Variants in PIWIL3 observed in about 807,000 individuals in gnomAD.
PIWIL3 encodes the protein piwi like RNA-mediated gene silencing 3, also known as piwi-like protein 3.
PIWIL3 carries 101 observed loss-of-function variants against 109.7 expected under a neutral mutation model. The ratio of observed to expected loss-of-function variants is 0.92; its 90% CI spans 0.78 to 1.09. The LOEUF is 1.09. Among genes scored for constraint, PIWIL3 ranks in the 50% least tolerant of loss-of-function variants. PIWIL3 has a pLI of 0.00. For missense variants in PIWIL3, 1,031 were observed against 1,072.6 expected, an observed-to-expected ratio of 0.96 and a Z score of 0.54; for synonymous variants, 373 against 376.4, an observed-to-expected ratio of 0.99 and a Z score of 0.10.
At position 24,757,928 on chromosome 22, in the gene PIWIL3, T is replaced by C. The variant is rs1233158101; in HGVS notation, c.335A>G (p.His112Arg). Residue 112 changes from histidine to arginine, a missense_variant, in exon 4 of 21, where the codon CAT (histidine) becomes CGT (arginine). Transcript: ENST00000616349. ...LVVNTRQDMK[H>R]VKDSKTGSEG... is the part of the protein sequence containing the mutation. ...CATACCTGTTTTTGAGTCTTTAACA[T>C]GCTTCATATCTTGCCTGGTGTTCAC... The C allele has an allele frequency of 6.2e-7, 1 of 1,611,360 alleles. No individual in the cohort carries two copies. Among genetic ancestry groups the C allele is most frequent in the African/African-American group, 1.3e-5 (1 of 74,578 alleles).
At chr22:24,740,212 C>T in intron 12 of PIWIL3, among the ~76,000 whole-genome samples, 1 of 30,866 alleles carries the variant, frequency 3.2e-5, no homozygotes, top group South Asian at 1.3e-3. Context: ...CGGAGGGAGA[C>T]TGTCTCAAAA....
At chr22:24,772,413 A>G (rs1926181606) in intron 1 of PIWIL3, among the ~76,000 whole-genome samples, 1 of 152,182 alleles carries the variant, frequency 6.6e-6, no homozygotes, top group African/African-American at 2.4e-5. Context: ...TAGCCTGTCC[A>G]GGTATGTGCT....
Position 24,762,239 on chromosome 22 carries a change from C to A in PIWIL3, c.102+159G>T, listed in dbSNP as rs1017112233. 94 of 1,268,482 alleles carry A rather than the reference C, an allele frequency of 7.4e-5. No individual in the cohort carries two copies. In the East Asian group the frequency reaches 2.7e-3, roughly 37 times the overall value. The allele number at this position is 1,268,482 out of a possible 1,614,324, so 78.6% of individuals were successfully genotyped here. A position where few individuals can be genotyped will look rare whatever the true frequency, so the allele number is the denominator to read the frequency against. On this transcript the variant is annotated intron_variant, in intron 2 of 20. Coordinates refer to ENST00000616349, the MANE Select transcript of PIWIL3 (RefSeq NM_001255975.1). ...AGTACATCTGAGTAGATAAAGCCTC[C>A]CCATGCTGCCATCTATACAGCCTGA...
At position 24,749,510 on chromosome 22, in the gene PIWIL3, C is replaced by T; in HGVS notation, c.1228G>A (p.Glu410Lys). The T allele has an allele frequency of 4.3e-6, 7 of 1,613,220 alleles. No homozygotes were observed. The highest frequency in any genetic ancestry group is 5.9e-6 in the Non-Finnish European group (7 of 1,179,942). ...QLCHMTGLTD[E>K]ICKDYSIVKE... ...ACAATGCTATAATCTTTACATATTT[C>T]ATCTGTTAGACCTTTAAAAAAATCC... Residue 410 changes from glutamate (E) to lysine (K), a missense_variant, in exon 11 of 21, where the codon GAA becomes AAA. Glu to Lys is a moderately conservative substitution (Grantham distance 56). Transcript: ENST00000616349.
rs753089052 is a variant in PIWIL3 at position 24,755,785 on chromosome 22, T to G, written c.691A>C (p.Arg231=). The change falls in exon 6 of 21, where the codon AGA becomes CGA. Residue 231 remains arginine (R), a splice_region_variant and synonymous_variant. Transcript: ENST00000616349. ...AGAAACTCAACCCCGGTAACATACC[T>G]TCTAAAGAGAATGTTGTAATAGCGT... ...CLRYYNILFR[R]TFKLLDFEQV... 19 of 1,614,030 alleles carry G rather than the reference T, an allele frequency of 1.2e-5. No homozygotes were observed. Among genetic ancestry groups the G allele is most frequent in the Non-Finnish European group, 1.6e-5 (19 of 1,179,932 alleles).
At chr22:24,764,465 C>T (rs572088723) in intron 1 of PIWIL3, among the ~76,000 whole-genome samples, 8 of 152,174 alleles carry the variant, frequency 5.3e-5, no homozygotes, top group Non-Finnish European at 1.0e-4. Flanking sequence ...CCTAGAAGCA[C>T]CCTTACTCAT....
intron 11 of PIWIL3, among the ~76,000 whole-genome samples, 173 bp downstream of exon 11, chr22:24,749,231 C>T (rs1924557277): frequency 6.6e-6 from 1 of 152,056 alleles, no homozygotes; most frequent in South Asian, 2.1e-4. Context: ...TTCTTCCCCC[C>T]CGGCCTCCTA....
In PIWIL3 at chr22:24,719,775, A is replaced by G; in HGVS notation, c.2478T>C (p.Cys826=). ...GCAAATTATAATACATGTGGCATAG[A>G]CAATATGTTAAACGCTGTACTGTAT... The part of the protein sequence containing the change: ...SPDTVQRLTY[C]LCHMYYNLPG... The change falls in exon 20 of 21, where the codon TGT becomes TGC. Residue 826 remains cysteine, a synonymous_variant. Coordinates refer to ENST00000616349, the MANE Select transcript of PIWIL3 (RefSeq NM_001255975.1). The G allele has an allele frequency of 1.9e-6, 3 of 1,613,046 alleles. No homozygotes were observed. The highest frequency in any genetic ancestry group is 2.5e-6 in the Non-Finnish European group (3 of 1,179,134).
chr22:24,756,607 C>G lies in PIWIL3; in HGVS notation c.454G>C (p.Asp152His). The G allele has an allele frequency of 6.2e-7, 1 of 1,613,940 alleles. No individual in the cohort carries two copies. The highest frequency in any genetic ancestry group is 8.5e-7 in the Non-Finnish European group (1 of 1,179,894). ...GTACGGAGATTTCCATCTTCTATGTCTGGTTTGTAGTCAACGTTGTATTTA... is the reference window on the plus strand; with the variant it reads ...GTACGGAGATTTCCATCTTCTATGTGTGGTTTGTAGTCAACGTTGTATTTA... ...AYKYNVDYKP[D>H]IEDGNLRTIL... The change falls in exon 5 of 21, where the codon GAC becomes CAC. Residue 152 changes from aspartate (D) to histidine (H), a missense_variant. Physicochemically the swap from Asp to His is moderately conservative, Grantham distance 81. Transcript: ENST00000616349.
chr22:24,756,516 A>T lies in PIWIL3; in HGVS notation c.545T>A (p.Leu182Ter), dbSNP rs367552066. The T allele has an allele frequency of 3.1e-5, 50 of 1,613,844 alleles. No individual in the cohort carries two copies. Among genetic ancestry groups the T allele is most frequent in the Non-Finnish European group, 3.5e-5 (41 of 1,179,910 alleles). Residue 182 changes from leucine to a stop codon, truncating the protein, a stop_gained, in exon 5 of 21, where the codon TTA (leucine) becomes TAA (stop). Coordinates refer to ENST00000616349, the MANE Select transcript of PIWIL3 (RefSeq NM_001255975.1). LOFTEE classifies it high-confidence loss of function. ...CCGCTCTTTTAGTGGCCGAGATAAT[A>T]ATAAAGAGTTTCCATCAAATATATG... is the stretch of plus-strand genomic sequence containing the variant. ...ERHIFDGNSL[L>*]LSRPLKERRV...
intron 12 of PIWIL3, among the ~76,000 whole-genome samples, chr22:24,740,052 A>C (rs1269693700): frequency 1.9e-5 from 2 of 103,792 alleles, no homozygotes; most frequent in African/African-American, 3.5e-5. Context: ...ACTCGGTCTC[A>C]AAAAAAAAAA....
At chr22:24,757,776 G>A (rs8139298) in intron 4 of PIWIL3, 132 bp downstream of exon 4, 71,368 of 1,104,000 alleles carry the variant, frequency 0.065, 2,792 homozygotes, top group South Asian at 0.11. Context: ...GAGCCCAGGA[G>A]TTTGAGGCTA....
intron 14 of PIWIL3, among the ~76,000 whole-genome samples, chr22:24,732,355 T>G (rs1415978133): frequency 1.3e-5 from 2 of 152,208 alleles, no homozygotes; most frequent in Non-Finnish European, 2.9e-5. Flanking sequence ...TACATAAGAT[T>G]GTGGACACGC....
intron 14 of PIWIL3, among the ~76,000 whole-genome samples, chr22:24,730,062 A>G (rs868008437): frequency 6.6e-6 from 1 of 151,954 alleles, no homozygotes; most frequent in Non-Finnish European, 1.5e-5. Flanking sequence ...AATTATGTGT[A>G]CAGATTAGAA....
intron 12 of PIWIL3, among the ~76,000 whole-genome samples, chr22:24,740,145 G>A (rs5760617): frequency 0.44 from 64,810 of 146,812 alleles, 14,691 homozygotes; most frequent in East Asian, 0.67. Context: ...TTGAACCCAG[G>A]AGGTGGAGTT....
chr22:24,758,534 G>A (rs919504947), intron 3 of PIWIL3, among the ~76,000 whole-genome samples: 1 of 152,194 alleles, frequency 6.6e-6, no homozygotes, highest in Non-Finnish European at 1.5e-5. Context: ...ATTCTACAAA[G>A]TTAACATTTA....
At chr22:24,736,573 G>A (rs555486218) in intron 12 of PIWIL3, among the ~76,000 whole-genome samples, 5 of 152,240 alleles carry the variant, frequency 3.3e-5, no homozygotes, top group African/African-American at 1.2e-4. Context: ...CCTACAAGAG[G>A]AACACTAAGT....
intron 17 of PIWIL3, 121 bp downstream of exon 17, chr22:24,725,324 C>A: frequency 8.1e-7 from 1 of 1,227,430 alleles, no homozygotes; most frequent in Non-Finnish European, 1.1e-6. Context: ...ACCTCCACCC[C>A]AGTTGTGACA....
intron 2 of PIWIL3, among the ~76,000 whole-genome samples, chr22:24,761,383 CAGG>C (rs1925429404): frequency 6.6e-6 from 1 of 152,056 alleles, no homozygotes; most frequent in South Asian, 2.1e-4. Context: ...AGGGAGTTGA[CAGG>C]AGAAAAGAGG....
Sources: allele counts gnomAD v4.1 joint callset (sites outside exome capture counted in the v4.1 genomes callset), GRCh38; gene constraint gnomAD v4.1.1; transcripts MANE v1.5; gene names NCBI Gene and HGNC (gene_info 2026-07-23, HGNC 2026-07-21).